Variants in TLK1 observed in about 807,000 individuals in gnomAD.
The protein encoded by TLK1 is tousled like kinase 1, also known as serine/threonine-protein kinase tousled-like 1.
A neutral mutation model predicts 105.3 loss-of-function variants in TLK1; 24 were observed. That is an observed-to-expected ratio of 0.23 (90% CI 0.17 to 0.32). TLK1 has a LOEUF of 0.32. Among genes scored for constraint, TLK1 ranks in the 10% least tolerant of loss-of-function variants. The pLI is 1.00. For missense variants in TLK1, 558 were observed against 910.5 expected (o/e 0.61, Z 4.98); for synonymous variants, 321 against 310.4 (o/e 1.03, Z -0.36).
upstream of TLK1, among the ~76,000 whole-genome samples, chr2:171,161,950 A>G (rs1245296785): frequency 6.6e-6 from 1 of 152,224 alleles, no homozygotes; most frequent in Admixed American, 6.5e-5. Flanking sequence ...AGATTATGAT[A>G]TAGCGCTACT....
intron 1 of TLK1, among the ~76,000 whole-genome samples, chr2:171,124,342 C>T (rs1690783378): frequency 6.6e-6 from 1 of 152,206 alleles, no homozygotes. Context: ...ATTTTAAAAA[C>T]ATTACTCAAT....
intron 1 of TLK1, among the ~76,000 whole-genome samples, chr2:171,129,675 C>A (rs1220874698): frequency 2.0e-5 from 3 of 151,888 alleles, no homozygotes; most frequent in Non-Finnish European, 4.4e-5. Flanking sequence ...CCCATCTCTA[C>A]AAAAAAATTT....
rs1483952299 is a variant in TLK1 at position 170,992,974 on chromosome 2, T to C, written c.*806A>G. On this transcript the variant is annotated 3_prime_UTR_variant, in exon 21 of 21. Transcript: ENST00000431350. The stretch of plus-strand genomic sequence containing the variant: ...ATTTGGTTACTCACTGTCACCTGTT[T>C]TGATGAACAAGGCCTGGTAACAAAA... 6.6e-6 allele frequency: 1 copy of C among 152,636 alleles called. No individual in the cohort carries two copies. Among genetic ancestry groups the C allele is most frequent in the African/African-American group, 2.4e-5 (1 of 41,452 alleles). 9.5% of individuals were successfully genotyped at this position (152,636 alleles called of 1,614,324 possible).
At position 171,006,494 on chromosome 2, in the gene TLK1, A is replaced by G; in HGVS notation, c.1748T>C (p.Ile583Thr). ...RYLNEIKPPI[I>T]HYDLKPGNIL... The stretch of plus-strand genomic sequence containing the variant: ...ATTACCTGGCTTAAGATCATAATGT[A>G]TAATAGGGGGTTTGATCTCATTGAG... The change falls in exon 17 of 21, where the codon ATA (isoleucine) becomes ACA (threonine). Residue 583 changes from isoleucine (I) to threonine (T), a missense_variant. Coordinates refer to ENST00000431350, the MANE Select transcript of TLK1 (RefSeq NM_012290.5). 1 of 1,610,292 alleles carries G rather than the reference A, an allele frequency of 6.2e-7. No individual in the cohort carries two copies. Among genetic ancestry groups the G allele is most frequent in the Non-Finnish European group, 8.5e-7 (1 of 1,178,748 alleles).
intron 3 of TLK1, among the ~76,000 whole-genome samples, chr2:171,064,219 A>C (rs927009293): frequency 3.3e-5 from 5 of 152,224 alleles, no homozygotes; most frequent in African/African-American, 1.2e-4. Context: ...GTTGTGCCCC[A>C]GAAGTTATTA....
At chr2:171,093,672 T>A (rs547329107) in intron 2 of TLK1, among the ~76,000 whole-genome samples, 1 of 151,050 alleles carries the variant, frequency 6.6e-6, no homozygotes, top group South Asian at 2.1e-4. Context: ...AAAAAAAAAA[T>A]TCCAAGCAAC....
intron 1 of TLK1, among the ~76,000 whole-genome samples, chr2:171,222,406 T>A (rs1449417660): frequency 6.6e-6 from 1 of 152,142 alleles, no homozygotes; most frequent in Non-Finnish European, 1.5e-5. Flanking sequence ...CACAGCTCCC[T>A]GCAGTGTTGA....
chr2:170,997,203 C>A (rs1466585877), intron 19 of TLK1, among the ~76,000 whole-genome samples: 1 of 152,172 alleles, frequency 6.6e-6, no homozygotes. Flanking sequence ...AATCCCTTAA[C>A]CTCTCTTCCC....
rs368030973 is a variant in TLK1, at chr2:171,028,335, A to G, written c.1236+4T>C. The G allele has an allele frequency of 1.1e-4, 182 of 1,597,690 alleles. No individual in the cohort carries two copies. The highest frequency in any genetic ancestry group is 4.5e-4 in the Admixed American group (27 of 59,844). ...ACTAAAAATGCAGCATATGTTTCACATACCTTTTTGAGATGTCCTAGTCTA... is the reference window on the plus strand; with the variant it reads ...ACTAAAAATGCAGCATATGTTTCACGTACCTTTTTGAGATGTCCTAGTCTA... On this transcript the variant is annotated splice_donor_region_variant and intron_variant, in intron 12 of 20. Coordinates refer to ENST00000431350, the MANE Select transcript of TLK1 (RefSeq NM_012290.5).
intron 11 of TLK1, chr2:171,045,099 G>A (rs1031830911): frequency 6.6e-6 from 1 of 152,078 alleles, no homozygotes. Context: ...GAGCACAAAG[G>A]AGGTATCAAC....
chr2:171,074,974 C>G (rs933594095), intron 3 of TLK1, among the ~76,000 whole-genome samples: 2 of 151,366 alleles, frequency 1.3e-5, no homozygotes, highest in African/African-American at 4.9e-5. Flanking sequence ...AACAGTAAAT[C>G]GATTTTTAAA....
chr2:171,216,463 A>T (rs186645862), intron 1 of TLK1, among the ~76,000 whole-genome samples: 1 of 152,142 alleles, frequency 6.6e-6, no homozygotes, highest in Non-Finnish European at 1.5e-5. Context: ...GCGACAGAGC[A>T]AGACTCCGTC....
chr2:171,046,073 A>AT lies in TLK1; in HGVS notation c.1169+100dup, dbSNP rs1686948513. The AT allele has an allele frequency of 1.6e-5, 17 of 1,077,364 alleles. 1 individual carries two copies. In the South Asian group the frequency reaches 3.9e-4, roughly 25 times the overall value. 66.7% of individuals were successfully genotyped at this position (1,077,364 alleles called of 1,614,324 possible). On this transcript the variant is annotated intron_variant, in intron 11 of 20. Transcript: ENST00000431350. ...ACTGCCTTCCTTCCTGGTCTTAATC[A>AT]TTTTTGCTATCTAAGTATTAATTAT...
intron 14 of TLK1, among the ~76,000 whole-genome samples, chr2:171,009,889 C>T (rs181700804): frequency 1.4e-4 from 22 of 152,280 alleles, no homozygotes; most frequent in African/African-American, 5.3e-4. Context: ...AAAAGGCACA[C>T]CAAATCTATC....
intron 8 of TLK1, among the ~76,000 whole-genome samples, chr2:171,051,659 T>C (rs1266668075): frequency 6.7e-6 from 1 of 148,218 alleles, no homozygotes; most frequent in Non-Finnish European, 1.5e-5. Context: ...TTCTATCTCA[T>C]CTGAAGTACT....
intron 1 of TLK1, among the ~76,000 whole-genome samples, chr2:171,134,517 A>G (rs750993186): frequency 6.6e-6 from 1 of 152,158 alleles, no homozygotes; most frequent in Non-Finnish European, 1.5e-5. Flanking sequence ...TAAATGGCCA[A>G]GAAATGAAAA....
intron 1 of TLK1, among the ~76,000 whole-genome samples, chr2:171,142,179 G>A (rs1691604135): frequency 6.6e-6 from 1 of 151,838 alleles, no homozygotes; most frequent in Non-Finnish European, 1.5e-5. Context: ...AAGCCAAGTT[G>A]GGGGGTGGGG....
At chr2:171,022,154 A>C (rs567628667) in intron 12 of TLK1, among the ~76,000 whole-genome samples, 1 of 149,850 alleles carries the variant, frequency 6.7e-6, no homozygotes, top group East Asian at 2.0e-4. Context: ...TTTTACCTCT[A>C]CATTTTCATT....
At chr2:171,187,327 A>G (rs1053753611) in intron 1 of TLK1, among the ~76,000 whole-genome samples, 1 of 152,134 alleles carries the variant, frequency 6.6e-6, no homozygotes, top group African/African-American at 2.4e-5. Context: ...CGTACACCTG[A>G]TGCTTCACTC....
Sources: gnomAD v4.1 joint callset for allele counts (sites outside exome capture counted in the v4.1 genomes callset) on GRCh38, gnomAD v4.1.1 for gene constraint, MANE v1.5 for transcripts, NCBI Gene and HGNC (gene_info 2026-07-23, HGNC 2026-07-21) for gene names.